SLCO6A1: variants seen among roughly 807,000 people sequenced by gnomAD.
SLCO6A1 encodes cancer/testis antigen 48.
In SLCO6A1, 65 loss-of-function variants were observed where a neutral mutation model predicts 72.7. The ratio of observed to expected loss-of-function variants is 0.89; its 90% CI spans 0.73 to 1.10. The LOEUF is 1.10. SLCO6A1 is among the 50% of genes least tolerant of loss of function. The pLI is 0.00. For missense variants in SLCO6A1, 874 were observed against 872.6 expected (o/e 1.00, Z -0.02); for synonymous variants, 314 against 298.2 (o/e 1.05, Z -0.55).
chr5:102,430,454 T>C (rs1580413289), intron 7 of SLCO6A1, among the ~76,000 whole-genome samples: 1 of 152,176 alleles, frequency 6.6e-6, no homozygotes, highest in East Asian at 1.9e-4. Context: ...ATGGCTCTTA[T>C]TATTTTTAGG....
At chr5:102,409,999 T>C (rs1262220902) in intron 9 of SLCO6A1, among the ~76,000 whole-genome samples, 2 of 152,098 alleles carry the variant, frequency 1.3e-5, no homozygotes, top group Non-Finnish European at 2.9e-5. Flanking sequence ...TATGGGATCT[T>C]TGGGGTGTCA....
Position 102,373,473 on chromosome 5 carries a change from GTGCATAGTT to G in SLCO6A1, c.2030_2038del (p.Lys677_Cys679del). The G allele has an allele frequency of 1.3e-6, 2 of 1,506,178 alleles. No homozygotes were observed. The highest frequency in any genetic ancestry group is 1.8e-6 in the Non-Finnish European group (2 of 1,128,256). The allele number at this position is 1,506,178 out of a possible 1,614,324, so 93.3% of individuals were successfully genotyped here. The stretch of plus-strand genomic sequence containing the variant: ...AAATGCAATAGTAGTGAAGATGATA[GTGCATAGTT>G]TGCAAAGAAAACCTAAATTTAAAAA... On this transcript the variant is annotated inframe_deletion, in exon 13 of 14. Transcript: ENST00000506729.
intron 6 of SLCO6A1, among the ~76,000 whole-genome samples, chr5:102,451,115 T>G (rs1043364241): frequency 6.6e-6 from 1 of 152,098 alleles, no homozygotes; most frequent in Non-Finnish European, 1.5e-5. Context: ...TGGAAAACAA[T>G]CTGGTCGCTT....
At chr5:102,427,200 C>T (rs1024825672) in intron 7 of SLCO6A1, among the ~76,000 whole-genome samples, 5 of 151,866 alleles carry the variant, frequency 3.3e-5, no homozygotes, top group African/African-American at 1.2e-4. Context: ...CTCAGGATGA[C>T]CTTCAGACTA....
rs192705839 is a variant in SLCO6A1, at chr5:102,444,555, C to T, written c.1132-5794G>A. On this transcript the variant is annotated intron_variant, in intron 6 of 13. Coordinates refer to ENST00000506729, the MANE Select transcript of SLCO6A1 (RefSeq NM_173488.5). The stretch of plus-strand genomic sequence containing the variant: ...AATAAGTAATGGCTCATCAATCTGT[C>T]CATCAGAATAAAATATCTCCTCTAG... 5.9e-5 allele frequency among the ~76,000 whole-genome samples: 9 copies of T among 152,252 alleles called. No homozygotes were observed. In the East Asian group the frequency reaches 1.7e-3, roughly 29 times the overall value.
At chr5:102,408,775 A>G (rs1355204348) in intron 9 of SLCO6A1, among the ~76,000 whole-genome samples, 1 of 152,212 alleles carries the variant, frequency 6.6e-6, no homozygotes. Context: ...CCAAATTATA[A>G]TAGCATATTT....
chr5:102,476,009 G>A lies in SLCO6A1; in HGVS notation c.803-216C>T, dbSNP rs1751879139. Among the ~76,000 whole-genome samples the A allele has an allele frequency of 2.0e-5, 3 of 152,080 alleles. No individual in the cohort carries two copies. In the South Asian group the frequency reaches 6.2e-4, roughly 32 times the overall value. ...CTCAGAAGTGGGAACCAAGCTATGA[G>A]GATGCAAAAGCATAAGAATGATATA... On this transcript the variant is annotated intron_variant, in intron 3 of 13. Transcript: ENST00000506729.
At chr5:102,411,226 T>G (rs1326599780) in intron 9 of SLCO6A1, among the ~76,000 whole-genome samples, 1 of 151,660 alleles carries the variant, frequency 6.6e-6, no homozygotes, top group African/African-American at 2.4e-5. Context: ...TATATATATA[T>G]GTGTGTGTGT....
At chr5:102,383,436 C>T (rs1746235505) in intron 12 of SLCO6A1, among the ~76,000 whole-genome samples, 1 of 151,520 alleles carries the variant, frequency 6.6e-6, no homozygotes, top group Non-Finnish European at 1.5e-5. Context: ...AATACTTTTC[C>T]TTCACCTATT....
intron 7 of SLCO6A1, among the ~76,000 whole-genome samples, chr5:102,428,723 A>T (rs1749050432): frequency 6.6e-6 from 1 of 152,052 alleles, no homozygotes; most frequent in African/African-American, 2.4e-5. Context: ...TTTAGCTTCC[A>T]TGTCTTTGCT....
rs867318323 is a variant in SLCO6A1 at position 102,484,563 on chromosome 5, T to C, written c.359-4129A>G. On this transcript the variant is annotated intron_variant, in intron 1 of 13. Coordinates refer to ENST00000506729, the MANE Select transcript of SLCO6A1 (RefSeq NM_173488.5). ...ACTCAGGGAGGCTGAGGCATAAGAA[T>C]TGCTTGAACCCAGGAGGCAGAGGTT... 2.6e-5 allele frequency among the ~76,000 whole-genome samples: 4 copies of C among 151,858 alleles called. No homozygotes were observed. The South Asian group carries it at 8.4e-4, about 32-fold the overall frequency.
chr5:102,384,382 G>A (rs112090476), intron 12 of SLCO6A1, among the ~76,000 whole-genome samples: 7 of 151,844 alleles, frequency 4.6e-5, no homozygotes, highest in African/African-American at 1.7e-4. Context: ...CTCTCTGACT[G>A]TTTTCTGACT....
At chr5:102,463,019 T>C (rs1461746038) in intron 4 of SLCO6A1, among the ~76,000 whole-genome samples, 1 of 152,022 alleles carries the variant, frequency 6.6e-6, no homozygotes, top group Admixed American at 6.6e-5. Flanking sequence ...TTGCAAACTA[T>C]GCATATGACA....
intron 6 of SLCO6A1, among the ~76,000 whole-genome samples, chr5:102,445,333 T>C (rs1027727813): frequency 1.7e-4 from 26 of 152,172 alleles, no homozygotes; most frequent in African/African-American, 2.4e-5. Flanking sequence ...ACACTGAGCA[T>C]TTTTCATATG....
intron 7 of SLCO6A1, among the ~76,000 whole-genome samples, chr5:102,436,417 T>C (rs1181405382): frequency 6.6e-6 from 1 of 152,122 alleles, no homozygotes; most frequent in African/African-American, 2.4e-5. Context: ...TTCACAATGC[T>C]CAATTACTCT....
At position 102,440,749 on chromosome 5, in the gene SLCO6A1, G is replaced by A. The variant is rs117268458; in HGVS notation, c.1132-1988C>T. ...ATTTTATATTGTTTTAATCCACTAAGTTATGGGGTAGTTTATTATGCAGAA... is the reference window on the plus strand; with the variant it reads ...ATTTTATATTGTTTTAATCCACTAAATTATGGGGTAGTTTATTATGCAGAA... On this transcript the variant is annotated intron_variant, in intron 6 of 13. Coordinates refer to ENST00000506729, the MANE Select transcript of SLCO6A1 (RefSeq NM_173488.5). 2.7e-4 allele frequency among the ~76,000 whole-genome samples: 41 copies of A among 152,252 alleles called. No individual in the cohort carries two copies. In the East Asian group the frequency reaches 7.3e-3, roughly 27 times the overall value.
chr5:102,414,285 G>C (rs960464036), intron 8 of SLCO6A1, among the ~76,000 whole-genome samples: 2 of 151,972 alleles, frequency 1.3e-5, no homozygotes, highest in African/African-American at 4.8e-5. Flanking sequence ...TTTGCATATA[G>C]ATATCTATCC....
intron 12 of SLCO6A1, among the ~76,000 whole-genome samples, chr5:102,384,185 T>C (rs944269973): frequency 6.6e-6 from 1 of 151,970 alleles, no homozygotes; most frequent in African/African-American, 2.4e-5. Context: ...CACTGACATT[T>C]GCTCTGATTT....
At chr5:102,387,925 A>G (rs1746504625) in intron 12 of SLCO6A1, among the ~76,000 whole-genome samples, 1 of 152,306 alleles carries the variant, frequency 6.6e-6, no homozygotes, top group South Asian at 2.1e-4. Context: ...GACTTTCCCA[A>G]CACTTTGACC....
Sources: gnomAD v4.1 joint callset for allele counts (sites outside exome capture counted in the v4.1 genomes callset) on GRCh38, gnomAD v4.1.1 for gene constraint, MANE v1.5 for transcripts, NCBI Gene and HGNC (gene_info 2026-07-23, HGNC 2026-07-21) for gene names.